WFDC8: variants seen among roughly 807,000 people sequenced by gnomAD.
The protein encoded by WFDC8 is WAP four-disulfide core domain protein 8.
WFDC8 carries 24 observed loss-of-function variants against 27.0 expected under a neutral mutation model. The ratio of observed to expected loss-of-function variants is 0.89; its 90% CI spans 0.64 to 1.25. The LOEUF (loss-of-function observed/expected upper bound fraction) is 1.25, where lower values mean the gene tolerates loss of function less well. Among genes scored for constraint, WFDC8 ranks in the 50% most tolerant of loss-of-function variants. The probability of loss-of-function intolerance (pLI) is 0.00; values close to 1 mark genes in which losing one functional copy is unlikely to be tolerated. For missense variants in WFDC8, 287 were observed against 295.9 expected, an observed-to-expected ratio of 0.97 and a Z score of 0.22; for synonymous variants, 106 against 99.7, an observed-to-expected ratio of 1.06 and a Z score of -0.38.
Position 45,555,865 on chromosome 20 carries a change from G to A in WFDC8, c.281C>T (p.Pro94Leu), listed in dbSNP as rs1306428932. Residue 94 changes from proline (P) to leucine (L), a missense_variant, in exon 4 of 6, where the codon CCC (proline) becomes CTC (leucine). Coordinates refer to ENST00000289953, the MANE Select transcript of WFDC8 (RefSeq NM_130896.3). ...QKKCMDPFQEPCMLPVRHGNC... is the reference protein window; with the variant it reads ...QKKCMDPFQELCMLPVRHGNC... ...TCCATGCCTCACAGGTAGCATGCAG[G>A]GTTCTGAGGTCAGGAAGCAAGGAAA... 1 of 1,613,450 alleles carries A rather than the reference G, an allele frequency of 6.2e-7. No homozygotes were observed. Among genetic ancestry groups the A allele is most frequent in the Non-Finnish European group, 8.5e-7 (1 of 1,179,608 alleles).
chr20:45,552,000 T>C lies in WFDC8; in HGVS notation c.*26A>G, dbSNP rs1317052539. On this transcript the variant is annotated 3_prime_UTR_variant, in exon 6 of 6. Coordinates refer to ENST00000289953, the MANE Select transcript of WFDC8 (RefSeq NM_130896.3). ...TCATGCTACTCATAATTAATGATTT[T>C]GATGATAATATTTTCTACTTACTAT... The C allele has an allele frequency of 2.5e-6, 4 of 1,610,920 alleles. No individual in the cohort carries two copies. Among genetic ancestry groups the C allele is most frequent in the African/African-American group, 2.7e-5 (2 of 74,832 alleles).
At chr20:45,558,415 G>A (rs1378833268) in intron 3 of WFDC8, among the ~76,000 whole-genome samples, 1 of 152,228 alleles carries the variant, frequency 6.6e-6, no homozygotes. Context: ...ATAAATGTAT[G>A]AGTGAGTGAA....
intron 4 of WFDC8, among the ~76,000 whole-genome samples, chr20:45,553,871 T>C (rs1980139577): frequency 6.6e-6 from 1 of 152,176 alleles, no homozygotes; most frequent in South Asian, 2.1e-4. Flanking sequence ...ACTTAATGGA[T>C]GTTAATTGAT....
At chr20:45,551,617 CAA>C (rs11479142), downstream of WFDC8, 2,844 of 124,526 alleles carry the variant, frequency 0.023, 84 homozygotes, top group Admixed American at 0.11. Context: ...CTCCGTCTCA[CAA>C]AAAAAAAAAA....
intron 1 of WFDC8, among the ~76,000 whole-genome samples, chr20:45,577,411 T>A (rs6032345): frequency 0.4 from 60,402 of 150,088 alleles, 13,848 homozygotes; most frequent in Non-Finnish European, 0.45. Flanking sequence ...TGTCTTTTTT[T>A]TTTTTTGAGA....
chr20:45,553,261 C>T lies in WFDC8; in HGVS notation c.461G>A (p.Cys154Tyr). The change falls in exon 5 of 6, where the codon TGC becomes TAC. Residue 154 changes from cysteine (C) to tyrosine (Y), a missense_variant. Physicochemically the swap from Cys to Tyr is radical, Grantham distance 194. Coordinates refer to ENST00000289953, the MANE Select transcript of WFDC8 (RefSeq NM_130896.3). Reference sequence around the variant, plus strand: ...ACGTTCAGTGAAAGGGAAGAGTGGGCATTGTCCATCCTTAACTAAAATAAG... The same window carrying T: ...ACGTTCAGTGAAAGGGAAGAGTGGGTATTGTCCATCCTTAACTAAAATAAG... ...ACMLIVKDGQ[C>Y]PLFPFTERKE... The T allele has an allele frequency of 6.2e-7, 1 of 1,613,402 alleles. No individual in the cohort carries two copies. The highest frequency in any genetic ancestry group is 1.1e-5 in the South Asian group (1 of 90,982).
chr20:45,566,523 C>G (rs1980683423), intron 1 of WFDC8, among the ~76,000 whole-genome samples: 1 of 151,806 alleles, frequency 6.6e-6, no homozygotes, highest in African/African-American at 2.4e-5. Flanking sequence ...ATTAGTCGGG[C>G]ATGGTGGTGC....
chr20:45,565,963 C>T lies in WFDC8; in HGVS notation c.27-3744G>A, dbSNP rs188280379. ...TAAAAGCATTTTATGAAAGTAATCA[C>T]AAAATTTTAAAAAAATATATTTTTT... On this transcript the variant is annotated intron_variant, in intron 1 of 5. Transcript: ENST00000289953. 9.2e-5 allele frequency among the ~76,000 whole-genome samples: 14 copies of T among 152,174 alleles called. No homozygotes were observed. The East Asian group carries it at 1.5e-3, about 17-fold the overall frequency.
chr20:45,554,144 A>G (rs11696603), intron 4 of WFDC8, among the ~76,000 whole-genome samples: 4,445 of 136,208 alleles, frequency 0.033, 114 homozygotes, highest in East Asian at 0.096. Context: ...TAGGCACGTG[A>G]CACCATGCCT....
chr20:45,552,588 G>T (rs12480402), intron 5 of WFDC8, among the ~76,000 whole-genome samples: 58,269 of 152,006 alleles, frequency 0.38, 11,638 homozygotes, highest in Non-Finnish European at 0.43. Context: ...GAAAAGCCTT[G>T]GACTCCTGCC....
chr20:45,564,309 C>T (rs931612418), intron 1 of WFDC8, among the ~76,000 whole-genome samples: 1 of 152,138 alleles, frequency 6.6e-6, no homozygotes, highest in Non-Finnish European at 1.5e-5. Flanking sequence ...CACGGTGGCT[C>T]ATGTTTGTAA....
intron 1 of WFDC8, among the ~76,000 whole-genome samples, chr20:45,578,576 C>T (rs546599018): frequency 2.8e-5 from 4 of 142,276 alleles, no homozygotes; most frequent in Non-Finnish European, 6.5e-5. Context: ...TCTGCTCATA[C>T]TCCAATAGGC....
intron 2 of WFDC8, among the ~76,000 whole-genome samples, chr20:45,561,742 G>A (rs921979019): frequency 2.4e-5 from 1 of 41,542 alleles, no homozygotes; most frequent in Admixed American, 2.5e-4. Flanking sequence ...AAACTTGCGT[G>A]TGTGTGTGTG....
intron 1 of WFDC8, among the ~76,000 whole-genome samples, chr20:45,573,895 G>A (rs1980956321): frequency 6.6e-6 from 1 of 152,130 alleles, no homozygotes; most frequent in Non-Finnish European, 1.5e-5. Flanking sequence ...TTCTATGACA[G>A]TACCATGCTG....
chr20:45,557,768 A>G (rs889708295), intron 3 of WFDC8, among the ~76,000 whole-genome samples: 5 of 152,178 alleles, frequency 3.3e-5, no homozygotes, highest in Non-Finnish European at 5.9e-5. Flanking sequence ...ATAATGATTT[A>G]AAATTCACGG....
At chr20:45,574,311 C>T (rs1359917553) in intron 1 of WFDC8, among the ~76,000 whole-genome samples, 1 of 152,116 alleles carries the variant, frequency 6.6e-6, no homozygotes, top group Non-Finnish European at 1.5e-5. Flanking sequence ...TCCTCAAATG[C>T]TTCCAAAAAA....
intron 1 of WFDC8, among the ~76,000 whole-genome samples, chr20:45,566,843 C>A (rs1980695500): frequency 1.3e-5 from 2 of 152,180 alleles, no homozygotes; most frequent in South Asian, 4.2e-4. Flanking sequence ...GTTCCAGGAA[C>A]TCTCATGGAT....
intron 2 of WFDC8, among the ~76,000 whole-genome samples, chr20:45,561,627 G>C: frequency 6.6e-6 from 1 of 152,024 alleles, no homozygotes; most frequent in Admixed American, 6.6e-5. Flanking sequence ...CCTCAGATCA[G>C]CACCTGATCT....
intron 1 of WFDC8, among the ~76,000 whole-genome samples, chr20:45,566,526 G>A (rs1483585432): frequency 6.6e-6 from 1 of 152,038 alleles, no homozygotes. Context: ...AGTCGGGCAT[G>A]GTGGTGCATG....
Sources: gnomAD v4.1 joint callset for allele counts (sites outside exome capture counted in the v4.1 genomes callset) on GRCh38, gnomAD v4.1.1 for gene constraint, MANE v1.5 for transcripts, NCBI Gene and HGNC (gene_info 2026-07-23, HGNC 2026-07-21) for gene names.